SMARCB1: variants seen among roughly 807,000 people sequenced by gnomAD.
SMARCB1 encodes SWI/SNF-related matrix-associated actin-dependent regulator of chromatin subfamily B member 1.
Under a neutral mutation model 49.0 loss-of-function variants are expected in SMARCB1, and 5 were observed. The observed-to-expected ratio is 0.10, with a 90% CI of 0.05 to 0.21. SMARCB1 has a LOEUF of 0.21. Ranked by LOEUF, SMARCB1 falls within the 10% of genes least tolerant of loss-of-function variation. The pLI, the probability that SMARCB1 is intolerant of heterozygous loss-of-function variation, is 1.00. For synonymous variants in SMARCB1, 201 were observed against 200.1 expected, an observed-to-expected ratio of 1.00 and a Z score of -0.04; for missense variants, 226 against 509.2, an observed-to-expected ratio of 0.44 and a Z score of 5.35.
intron 2 of SMARCB1, chr22:23,793,209 CCT>C: frequency 2.7e-6 from 1 of 373,842 alleles, no homozygotes; most frequent in East Asian, 6.4e-5. Flanking sequence ...TTTCTTTTCC[CCT>C]GAGTGAGGAC....
chr22:23,804,889 T>C (rs1411094798), intron 5 of SMARCB1, among the ~76,000 whole-genome samples: 1 of 152,168 alleles, frequency 6.6e-6, no homozygotes, highest in Non-Finnish European at 1.5e-5. Flanking sequence ...TTCTCCTGGG[T>C]CAAGGCGCCT....
chr22:23,807,316 A>C (rs1041607258), intron 5 of SMARCB1, among the ~76,000 whole-genome samples: 3 of 152,170 alleles, frequency 2.0e-5, no homozygotes, highest in Non-Finnish European at 4.4e-5. Context: ...AAAAAGTTAA[A>C]TGAGGCTGAG....
rs2030996169 is a variant in SMARCB1, at chr22:23,835,761, GC to G, written c.*1584del. 1.0e-6 allele frequency: 1 copy of G among 985,378 alleles called. No homozygotes were observed. Among genetic ancestry groups the G allele is most frequent in the South Asian group, 4.7e-5 (1 of 21,292 alleles). 61.0% of individuals were successfully genotyped at this position (985,378 alleles called of 1,614,324 possible). ...ACCTCGGCAATGAAAGGGTGAGGCA[GC>G]CCTGTGTCTCCACAACTGGGGGGAT... On this transcript the variant is annotated 3_prime_UTR_variant, in exon 9 of 9. Coordinates refer to ENST00000644036, the MANE Select transcript of SMARCB1 (RefSeq NM_003073.5).
rs149465798 is a variant in SMARCB1 at position 23,803,150 on chromosome 22, G to A, written c.501-145G>A. 3.1e-4 allele frequency: 333 copies of A among 1,074,874 alleles called. 3 individuals carry two copies. In the African/African-American group the frequency reaches 4.5e-3, roughly 14 times the overall value. 66.6% of individuals were successfully genotyped at this position (1,074,874 alleles called of 1,614,324 possible). ...TGGCCCCGGGACCCCTGCTAGCCTCGTCTGCTGCCTCAGCTGTTAGCTGAC... is the reference window on the plus strand; with the variant it reads ...TGGCCCCGGGACCCCTGCTAGCCTCATCTGCTGCCTCAGCTGTTAGCTGAC... On this transcript the variant is annotated intron_variant, in intron 4 of 8. Transcript: ENST00000644036.
At chr22:23,819,393 C>T (rs977224724) in intron 6 of SMARCB1, among the ~76,000 whole-genome samples, 73 of 151,082 alleles carry the variant, frequency 4.8e-4, no homozygotes, top group African/African-American at 1.7e-3. Context: ...TGCAGTGGCG[C>T]GATCTTGGCT....
At chr22:23,817,080 C>T (rs975375021) in intron 6 of SMARCB1, 144 bp downstream of exon 6, 6 of 694,334 alleles carry the variant, frequency 8.6e-6, no homozygotes, top group South Asian at 8.0e-5. Context: ...CCTGGCTTTG[C>T]TCCCTGCAAT....
Position 23,836,979 on chromosome 22 carries a change from G to C in SMARCB1, c.*2799G>C, listed in dbSNP as rs7290412. On this transcript the variant is annotated 3_prime_UTR_variant, in exon 9 of 9. Transcript: ENST00000644036. Reference sequence around the variant, plus strand: ...AGCAGCTTTCTGTGGGGAGGGGCCCGTGTTGAGCACAGGCCAGCACAGGTC... The same window carrying C: ...AGCAGCTTTCTGTGGGGAGGGGCCCCTGTTGAGCACAGGCCAGCACAGGTC... 6.2e-7 allele frequency: 1 copy of C among 1,605,644 alleles called. No homozygotes were observed. Among genetic ancestry groups the C allele is most frequent in the Non-Finnish European group, 8.5e-7 (1 of 1,176,212 alleles).
At chr22:23,796,567 C>T (rs540753734) in intron 3 of SMARCB1, among the ~76,000 whole-genome samples, 4 of 152,316 alleles carry the variant, frequency 2.6e-5, no homozygotes, top group African/African-American at 7.2e-5. Context: ...AAAGGTGGCA[C>T]GCCTCCAGGC....
At chr22:23,833,266 T>C (rs1395153763) in intron 7 of SMARCB1, among the ~76,000 whole-genome samples, 2 of 152,206 alleles carry the variant, frequency 1.3e-5, no homozygotes, top group Non-Finnish European at 2.9e-5. Flanking sequence ...CGTGCTGTCC[T>C]GTCAAGGACC....
At position 23,835,564 on chromosome 22, in the gene SMARCB1, A is replaced by G. The variant is rs1421273663; in HGVS notation, c.*1384A>G. ...GACTCTTCCCAGGGAGTTTGCACTC[A>G]GGGCCTCTGCCCTCCATCAAAGAGT... On this transcript the variant is annotated 3_prime_UTR_variant, in exon 9 of 9. Transcript: ENST00000644036. The G allele has an allele frequency of 3.0e-6, 3 of 985,526 alleles. No individual in the cohort carries two copies. Among genetic ancestry groups the G allele is most frequent in the East Asian group, 1.1e-4 (1 of 8,814 alleles). The allele number at this position is 985,526 out of a possible 1,614,324, so 61.0% of individuals were successfully genotyped here. A position where few individuals can be genotyped will look rare whatever the true frequency, so the allele number is the denominator to read the frequency against.
At chr22:23,832,728 C>T (rs1422236241) in intron 7 of SMARCB1, among the ~76,000 whole-genome samples, 2 of 152,256 alleles carry the variant, frequency 1.3e-5, no homozygotes, top group Admixed American at 1.3e-4. Flanking sequence ...CAGCTGTGGT[C>T]TCCTTAGTGT....
intron 5 of SMARCB1, among the ~76,000 whole-genome samples, chr22:23,806,217 G>A (rs1330444317): frequency 1.3e-5 from 2 of 152,174 alleles, no homozygotes; most frequent in East Asian, 3.9e-4. Flanking sequence ...ATCACACGTG[G>A]TCCTGGAATC....
intron 1 of SMARCB1, among the ~76,000 whole-genome samples, chr22:23,788,030 A>G (rs2145953997): frequency 6.6e-6 from 1 of 152,204 alleles, no homozygotes; most frequent in Non-Finnish European, 1.5e-5. Flanking sequence ...TTCCAAGTCT[A>G]TTAGGTTCTT....
rs376975600 is a variant in SMARCB1, at chr22:23,787,028, G to C, written c.-142G>C. 3.6e-6 allele frequency: 2 copies of C among 548,414 alleles called. No individual in the cohort carries two copies. The highest frequency in any genetic ancestry group is 6.4e-6 in the Non-Finnish European group (2 of 314,182). 34.0% of individuals were successfully genotyped at this position (548,414 alleles called of 1,614,324 possible). ...CTGCGGCGGCGGCGGCGGCTGAGGA[G>C]CCCGGCTGAGGCGCCAGTACCCGGC... On this transcript the variant is annotated 5_prime_UTR_variant, in exon 1 of 9. Transcript: ENST00000644036.
chr22:23,789,683 G>C (rs976679821), intron 1 of SMARCB1, among the ~76,000 whole-genome samples: 1 of 152,200 alleles, frequency 6.6e-6, no homozygotes, highest in Non-Finnish European at 1.5e-5. Flanking sequence ...TGAGACCCAG[G>C]CTGTAAGAGA....
chr22:23,816,616 C>G lies in SMARCB1; in HGVS notation c.629-154C>G. On this transcript the variant is annotated intron_variant, in intron 5 of 8. Coordinates refer to ENST00000644036, the MANE Select transcript of SMARCB1 (RefSeq NM_003073.5). ...CTGCTAGTCATGTGCTTCCTCCTTC[C>G]ACTCCCAGTTTCCAGGAAGGCCACC... 5.3e-6 allele frequency: 4 copies of G among 748,694 alleles called. No homozygotes were observed. The Admixed American group carries it at 7.3e-5, about 14-fold the overall frequency. The allele number at this position is 748,694 out of a possible 1,614,324, so 46.4% of individuals were successfully genotyped here. A position where few individuals can be genotyped will look rare whatever the true frequency, so the allele number is the denominator to read the frequency against.
At chr22:23,800,424 C>A (rs1019941005) in intron 3 of SMARCB1, among the ~76,000 whole-genome samples, 2 of 152,186 alleles carry the variant, frequency 1.3e-5, no homozygotes, top group African/African-American at 2.4e-5. Flanking sequence ...CTGATCATGT[C>A]TCTTCCTTCA....
intron 5 of SMARCB1, among the ~76,000 whole-genome samples, chr22:23,811,388 C>A (rs911928606): frequency 3.9e-5 from 6 of 152,142 alleles, no homozygotes; most frequent in Non-Finnish European, 5.9e-5. Context: ...CACTATCGAC[C>A]AACAGAATCT....
intron 4 of SMARCB1, chr22:23,802,649 T>A (rs1173166088): frequency 1.8e-5 from 3 of 167,928 alleles, no homozygotes; most frequent in Non-Finnish European, 1.3e-5. Flanking sequence ...CGCAGCCCTC[T>A]CCATGCTCCC....
Sources: gnomAD v4.1 joint callset for allele counts (sites outside exome capture counted in the v4.1 genomes callset) on GRCh38, gnomAD v4.1.1 for gene constraint, MANE v1.5 for transcripts, NCBI Gene and HGNC (gene_info 2026-07-23, HGNC 2026-07-21) for gene names.